IL4: variants seen among roughly 807,000 people sequenced by gnomAD.
The protein encoded by IL4 is interleukin-4.
In IL4, 10 loss-of-function variants were observed where a neutral mutation model predicts 17.4. The observed-to-expected ratio is 0.57, with a 90% CI of 0.35 to 0.97. The LOEUF (loss-of-function observed/expected upper bound fraction) is 0.97, where lower values mean the gene tolerates loss of function less well. Among genes scored for constraint, IL4 ranks in the 50% least tolerant of loss-of-function variants. The pLI, the probability that IL4 is intolerant of heterozygous loss-of-function variation, is 0.01. For synonymous variants in IL4, 87 were observed against 79.0 expected (o/e 1.10, Z -0.54); for missense variants, 174 against 187.7 (o/e 0.93, Z 0.43).
At position 132,679,875 on chromosome 5, in the gene IL4, G is replaced by A; in HGVS notation, c.345G>A (p.Trp115Ter). ...RFLKRLDRNL[W>*]GLAGLNSCPV... Reference sequence around the variant, plus strand: ...TGAAACGGCTCGACAGGAACCTCTGGGGCCTGGCGGGCTTGGTAAGCTGCA... The same window carrying A: ...TGAAACGGCTCGACAGGAACCTCTGAGGCCTGGCGGGCTTGGTAAGCTGCA... Residue 115 changes from tryptophan (W) to a stop codon, truncating the protein, a stop_gained, in exon 3 of 4, where the codon TGG becomes TGA. Coordinates refer to ENST00000231449, the MANE Select transcript of IL4 (RefSeq NM_000589.4). LOFTEE classifies it high-confidence loss of function. The A allele has an allele frequency of 6.2e-7, 1 of 1,612,400 alleles. No individual in the cohort carries two copies.
chr5:132,675,001 T>C (rs1016109684), intron 2 of IL4, among the ~76,000 whole-genome samples: 1 of 152,182 alleles, frequency 6.6e-6, no homozygotes, highest in African/African-American at 2.4e-5. Flanking sequence ...CTAACAGCCC[T>C]CTGGGTTCCG....
chr5:132,675,888 T>TGA (rs1317177431), intron 2 of IL4, among the ~76,000 whole-genome samples: 3 of 149,304 alleles, frequency 2.0e-5, no homozygotes, highest in Non-Finnish European at 4.5e-5. Flanking sequence ...TATATATGTG[T>TGA]GTGTGTATAT....
rs148396041 is a variant in IL4 at position 132,674,106 on chromosome 5, G to A, written c.56G>A (p.Gly19Asp). Residue 19 changes from glycine (G) to aspartate (D), a missense_variant, in exon 1 of 4, where the codon GGC becomes GAC. Coordinates refer to ENST00000231449, the MANE Select transcript of IL4 (RefSeq NM_000589.4). ...CTGTTCTTCCTGCTAGCATGTGCCG[G>A]CAACTTTGTCCACGGACACAAGTGC... ...PPLFFLLACAGNFVHGHKCDI... is the reference protein window; with the variant it reads ...PPLFFLLACADNFVHGHKCDI... 3 of 1,613,938 alleles carry A rather than the reference G, an allele frequency of 1.9e-6. No individual in the cohort carries two copies. The African/African-American group carries it at 4.0e-5, about 22-fold the overall frequency.
chr5:132,675,867 GTGTGTGTGTGTATATA>G (rs1165000372), intron 2 of IL4, among the ~76,000 whole-genome samples: 2 of 148,926 alleles, frequency 1.3e-5, no homozygotes, highest in Admixed American at 6.9e-5. Flanking sequence ...GTGTGTGTGT[GTGTGTGTGTGTATATA>G]TGTGTGTGTG....
intron 1 of IL4, 25 bp from the exon 2 acceptor site, chr5:132,674,434 C>T (rs1297583011): frequency 1.2e-6 from 2 of 1,611,894 alleles, no homozygotes; most frequent in Admixed American, 1.7e-5. Context: ...CTGTCTCTTG[C>T]TCTCTCATTT....
chr5:132,674,126 A>G lies in IL4; in HGVS notation c.76A>G (p.Lys26Glu), dbSNP rs200140092. 6.2e-7 allele frequency: 1 copy of G among 1,614,160 alleles called. No homozygotes were observed. The highest frequency in any genetic ancestry group is 2.2e-5 in the East Asian group (1 of 44,892). ...ACAGNFVHGH[K>E]CDITLQEIIK... ...TGCCGGCAACTTTGTCCACGGACACAAGTGCGATATCACCTTACAGGAGAT... is the reference window on the plus strand; with the variant it reads ...TGCCGGCAACTTTGTCCACGGACACGAGTGCGATATCACCTTACAGGAGAT... Residue 26 changes from lysine (K) to glutamate (E), a missense_variant, in exon 1 of 4, where the codon AAG becomes GAG. Physicochemically the swap from Lys to Glu is moderately conservative, Grantham distance 56. Coordinates refer to ENST00000231449, the MANE Select transcript of IL4 (RefSeq NM_000589.4).
chr5:132,679,797 C>T lies in IL4; in HGVS notation c.267C>T (p.Cys89=). ...GCCACCATGAGAAGGACACTCGCTGCCTGGGTGCGACTGCACAGCAGTTCC... is the reference window on the plus strand; with the variant it reads ...GCCACCATGAGAAGGACACTCGCTGTCTGGGTGCGACTGCACAGCAGTTCC... ...FYSHHEKDTR[C]LGATAQQFHR... Residue 89 remains cysteine (C), a synonymous_variant, in exon 3 of 4, where the codon TGC becomes TGT. Coordinates refer to ENST00000231449, the MANE Select transcript of IL4 (RefSeq NM_000589.4). 6.2e-7 allele frequency: 1 copy of T among 1,614,064 alleles called. No homozygotes were observed. Among genetic ancestry groups the T allele is most frequent in the Non-Finnish European group, 8.5e-7 (1 of 1,179,968 alleles).
intron 2 of IL4, among the ~76,000 whole-genome samples, chr5:132,676,322 T>C (rs1009195705): frequency 1.3e-5 from 2 of 152,194 alleles, no homozygotes; most frequent in African/African-American, 2.4e-5. Context: ...TATTGTGAGA[T>C]GATATAACCA....
chr5:132,674,484 C>A lies in IL4; in HGVS notation c.161C>A (p.Thr54Lys). The change falls in exon 2 of 4, where the codon ACA becomes AAA. Residue 54 changes from threonine (T) to lysine (K), a missense_variant. Thr to Lys is a moderately conservative substitution (Grantham distance 78, BLOSUM62 -1). Transcript: ENST00000231449. Reference protein sequence around the residue: ...QKTLCTELTVTDIFAASKNTT... With the variant: ...QKTLCTELTVKDIFAASKNTT... ...ACTCTGTGCACCGAGTTGACCGTAA[C>A]AGACATCTTTGCTGCCTCCAAGGTA... 6.2e-7 allele frequency: 1 copy of A among 1,614,154 alleles called. No homozygotes were observed. The highest frequency in any genetic ancestry group is 8.5e-7 in the Non-Finnish European group (1 of 1,179,992).
chr5:132,678,313 T>C (rs1752421329), intron 2 of IL4, among the ~76,000 whole-genome samples: 1 of 140,272 alleles, frequency 7.1e-6, no homozygotes, highest in Non-Finnish European at 1.5e-5. Flanking sequence ...ATGCTTATGG[T>C]ATATGTAAAG....
intron 2 of IL4, among the ~76,000 whole-genome samples, chr5:132,676,360 A>G (rs2149879691): frequency 6.6e-6 from 1 of 152,312 alleles, no homozygotes; most frequent in East Asian, 1.9e-4. Context: ...AGGTGCAGAG[A>G]AGCGATGATT....
chr5:132,682,602 G>C lies in IL4; in HGVS notation c.*15G>C, dbSNP rs1278458121. On this transcript the variant is annotated 3_prime_UTR_variant, in exon 4 of 4. Coordinates refer to ENST00000231449, the MANE Select transcript of IL4 (RefSeq NM_000589.4). ...GTTCGAGCTGAATATTTTAATTTAT[G>C]AGTTTTTGATAGCTTTATTTTTTAA... The C allele has an allele frequency of 1.5e-6, 2 of 1,370,244 alleles. No individual in the cohort carries two copies. The highest frequency in any genetic ancestry group is 2.1e-6 in the Non-Finnish European group (2 of 970,332). The allele number at this position is 1,370,244 out of a possible 1,614,324, so 84.9% of individuals were successfully genotyped here.
chr5:132,679,902 T>A lies in IL4; in HGVS notation c.360+12T>A. The A allele has an allele frequency of 6.2e-7, 1 of 1,601,972 alleles. No individual in the cohort carries two copies. Among genetic ancestry groups the A allele is most frequent in the Non-Finnish European group, 8.5e-7 (1 of 1,173,620 alleles). The stretch of plus-strand genomic sequence containing the variant: ...GCCTGGCGGGCTTGGTAAGCTGCAC[T>A]GTATTCCTGGCAAGCCGGCCGCGTG... On this transcript the variant is annotated intron_variant, in intron 3 of 3. Transcript: ENST00000231449.
At chr5:132,675,300 T>A (rs930301277) in intron 2 of IL4, among the ~76,000 whole-genome samples, 1 of 152,206 alleles carries the variant, frequency 6.6e-6, no homozygotes, top group Non-Finnish European at 1.5e-5. Flanking sequence ...CGGCTGAGAA[T>A]GAAAGCCCCA....
intron 2 of IL4, among the ~76,000 whole-genome samples, chr5:132,675,652 T>C (rs559311071): frequency 2.7e-4 from 41 of 151,876 alleles, no homozygotes; most frequent in African/African-American, 9.7e-4. Context: ...AGGCTCAAGC[T>C]ATCTTCCTAC....
In IL4 at chr5:132,674,499, C is replaced by T; in HGVS notation, c.176C>T (p.Ala59Val). ...TTGACCGTAACAGACATCTTTGCTGCCTCCAAGGTAAGAAGCCGTCCCACG... is the reference window on the plus strand; with the variant it reads ...TTGACCGTAACAGACATCTTTGCTGTCTCCAAGGTAAGAAGCCGTCCCACG... ...TELTVTDIFA[A>V]SKNTTEKETF... is the part of the protein sequence containing the mutation. The change falls in exon 2 of 4, where the codon GCC becomes GTC. Residue 59 changes from alanine (A) to valine (V), a missense_variant. Ala to Val is a moderately conservative substitution (Grantham distance 64). Transcript: ENST00000231449. 1.2e-6 allele frequency: 2 copies of T among 1,613,798 alleles called. No homozygotes were observed. Among genetic ancestry groups the T allele is most frequent in the Non-Finnish European group, 1.7e-6 (2 of 1,179,684 alleles).
chr5:132,675,927 A>ATGTGTGTGTGTGTGTGTG (rs1338820933), intron 2 of IL4, among the ~76,000 whole-genome samples: 32 of 41,054 alleles, frequency 7.8e-4, no homozygotes, highest in Admixed American at 2.9e-3. Flanking sequence ...ATGTGTATGT[A>ATGTGTGTGTGTGTGTGTG]TATGTGTGTG....
chr5:132,674,086 C>G lies in IL4; in HGVS notation c.36C>G (p.Phe12Leu), dbSNP rs1462110981. 7 of 1,614,062 alleles carry G rather than the reference C, an allele frequency of 4.3e-6. No homozygotes were observed. The highest frequency in any genetic ancestry group is 3.4e-6 in the Non-Finnish European group (4 of 1,180,006). Residue 12 changes from phenylalanine (F) to leucine (L), a missense_variant, in exon 1 of 4, where the codon TTC becomes TTG. Physicochemically the swap from Phe to Leu is conservative, Grantham distance 22. Coordinates refer to ENST00000231449, the MANE Select transcript of IL4 (RefSeq NM_000589.4). Reference sequence around the variant, plus strand: ...CCTCCCAACTGCTTCCCCCTCTGTTCTTCCTGCTAGCATGTGCCGGCAACT... The same window carrying G: ...CCTCCCAACTGCTTCCCCCTCTGTTGTTCCTGCTAGCATGTGCCGGCAACT... ...GLTSQLLPPL[F>L]FLLACAGNFV...
At chr5:132,675,847 T>TGTGTGTGTGTGTG (rs1561676103) in intron 2 of IL4, among the ~76,000 whole-genome samples, 2 of 67,920 alleles carry the variant, frequency 2.9e-5, no homozygotes, top group African/African-American at 1.0e-4. Flanking sequence ...GGGCAACAGT[T>TGTGTGTGTGTGTG]TATGTGTGTG....
Sources: allele counts gnomAD v4.1 joint callset (sites outside exome capture counted in the v4.1 genomes callset), GRCh38; gene constraint gnomAD v4.1.1; transcripts MANE v1.5; gene names NCBI Gene and HGNC (gene_info 2026-07-23, HGNC 2026-07-21).